DENND5A: variants seen among roughly 807,000 people sequenced by gnomAD.
DENND5A encodes DENN domain-containing protein 5A.
DENND5A carries 64 observed loss-of-function variants against 140.3 expected under a neutral mutation model. The observed-to-expected ratio is 0.46, with a 90% CI of 0.37 to 0.56. The LOEUF is 0.56. Among genes scored for constraint, DENND5A ranks in the 20% least tolerant of loss-of-function variants. The pLI, the probability that DENND5A is intolerant of heterozygous loss-of-function variation, is 0.00. For synonymous variants in DENND5A, 605 were observed against 607.7 expected (o/e 1.00, Z 0.07); for missense variants, 1,292 against 1,593.8 (o/e 0.81, Z 3.22).
intron 1 of DENND5A, among the ~76,000 whole-genome samples, chr11:9,262,866 T>C (rs991105497): frequency 1.5e-4 from 23 of 152,024 alleles, no homozygotes; most frequent in Non-Finnish European, 2.8e-4. Context: ...CTCAGCCTCC[T>C]GAGTAGCTGG....
intron 1 of DENND5A, among the ~76,000 whole-genome samples, chr11:9,255,997 G>C (rs1851929014): frequency 6.6e-6 from 1 of 150,748 alleles, no homozygotes; most frequent in Admixed American, 6.7e-5. Context: ...TTGCACCCCA[G>C]CGTGAGCAAC....
intron 5 of DENND5A, among the ~76,000 whole-genome samples, chr11:9,184,245 T>C (rs1333856478): frequency 2.0e-5 from 3 of 146,972 alleles, no homozygotes; most frequent in African/African-American, 7.6e-5. Context: ...CCCAGCTACT[T>C]GGAAGGCTGA....
chr11:9,193,477 A>C lies in DENND5A; in HGVS notation c.1137+17T>G. 6.4e-7 allele frequency: 1 copy of C among 1,569,034 alleles called. No individual in the cohort carries two copies. Among genetic ancestry groups the C allele is most frequent in the South Asian group, 1.2e-5 (1 of 83,658 alleles). ...ATCCTGGATTGGGGCCAGAGGCACC[A>C]ACACTCAAGATCTCACCTCTTGAGG... On this transcript the variant is annotated intron_variant, in intron 5 of 22. Transcript: ENST00000328194.
intron 1 of DENND5A, among the ~76,000 whole-genome samples, chr11:9,229,899 C>CTTTTTTTTTTT (rs71062816): frequency 4.6e-5 from 3 of 64,904 alleles, no homozygotes; most frequent in African/African-American, 6.3e-5. Flanking sequence ...GCTCCCATTT[C>CTTTTTTTTTTT]TTTTTTTTTT....
chr11:9,157,558 C>T (rs1310337552), intron 12 of DENND5A, among the ~76,000 whole-genome samples: 1 of 152,092 alleles, frequency 6.6e-6, no homozygotes. Flanking sequence ...TGTTTAGCTC[C>T]CACTTATAAG....
intron 5 of DENND5A, among the ~76,000 whole-genome samples, chr11:9,188,721 T>C (rs1375554535): frequency 1.3e-5 from 2 of 152,126 alleles, no homozygotes; most frequent in East Asian, 1.9e-4. Flanking sequence ...ACTTTGAACT[T>C]AAGAGAGATG....
intron 1 of DENND5A, 33 bp downstream of exon 1, chr11:9,264,928 C>A: frequency 6.6e-7 from 1 of 1,508,894 alleles, no homozygotes. Context: ...ACAGCGGGCG[C>A]GGGAAAGCGC....
chr11:9,163,962 G>A (rs920825115), intron 11 of DENND5A, among the ~76,000 whole-genome samples: 9 of 146,962 alleles, frequency 6.1e-5, no homozygotes, highest in Non-Finnish European at 1.2e-4. Context: ...ACTGACAGAA[G>A]TTTTACACAA....
At chr11:9,228,121 A>AAAC (rs1418955545) in intron 1 of DENND5A, among the ~76,000 whole-genome samples, 1 of 151,130 alleles carries the variant, frequency 6.6e-6, no homozygotes, top group African/African-American at 2.4e-5. Flanking sequence ...AAAAAAAAAA[A>AAAC]AAAAAAAAAA....
chr11:9,150,164 G>C lies in DENND5A; in HGVS notation c.2652C>G (p.Ala884=). 1 of 1,613,952 alleles carries C rather than the reference G, an allele frequency of 6.2e-7. No homozygotes were observed. The highest frequency in any genetic ancestry group is 8.5e-7 in the Non-Finnish European group (1 of 1,179,878). The part of the protein sequence containing the change: ...IGEIKTDVGK[A]RAWVRLSMEK... Reference sequence around the variant, plus strand: ...CCATGGACAGTCGCACCCATGCTCTGGCCTTTCCCACATCAGTCTTGATTT... The same window carrying C: ...CCATGGACAGTCGCACCCATGCTCTCGCCTTTCCCACATCAGTCTTGATTT... Residue 884 remains alanine (A), a synonymous_variant, in exon 15 of 23, where the codon GCC becomes GCG. Transcript: ENST00000328194.
At chr11:9,238,675 A>T (rs1388754115) in intron 1 of DENND5A, among the ~76,000 whole-genome samples, 1 of 152,036 alleles carries the variant, frequency 6.6e-6, no homozygotes, top group Non-Finnish European at 1.5e-5. Flanking sequence ...CGGCCTCCCA[A>T]AGTGCTGAGA....
chr11:9,232,450 T>A lies in DENND5A; in HGVS notation c.110-24818A>T, dbSNP rs764533247. The stretch of plus-strand genomic sequence containing the variant: ...CTGAATAGATACTTCAAAAAAGACA[T>A]ATAAATGCCTAATAAACTTTTGAGA... On this transcript the variant is annotated intron_variant, in intron 1 of 22. Coordinates refer to ENST00000328194, the MANE Select transcript of DENND5A (RefSeq NM_015213.4). Among the ~76,000 whole-genome samples the A allele has an allele frequency of 2.0e-5, 3 of 152,084 alleles. 1 individual carries two copies. Among genetic ancestry groups the A allele is most frequent in the African/African-American group, 7.2e-5 (3 of 41,424 alleles).
intron 8 of DENND5A, 24 bp downstream of exon 8, chr11:9,178,108 T>C: frequency 6.7e-7 from 1 of 1,486,326 alleles, no homozygotes; most frequent in Non-Finnish European, 9.4e-7. Flanking sequence ...GAGGCCTGAA[T>C]GTACATTTCC....
Position 9,264,945 on chromosome 11 carries a change from C to G in DENND5A, c.109+16G>C, listed in dbSNP as rs1244241017. 3.6e-5 allele frequency: 55 copies of G among 1,544,486 alleles called. No individual in the cohort carries two copies. The highest frequency in any genetic ancestry group is 4.7e-5 in the Non-Finnish European group (54 of 1,144,666). Reference sequence around the variant, plus strand: ...AGCGGGCGCGGGAAAGCGCCCCGGGCTCGGCGCGCACTCACCCGACAGCTC... The same window carrying G: ...AGCGGGCGCGGGAAAGCGCCCCGGGGTCGGCGCGCACTCACCCGACAGCTC... On this transcript the variant is annotated intron_variant, in intron 1 of 22. Transcript: ENST00000328194.
intron 5 of DENND5A, among the ~76,000 whole-genome samples, chr11:9,183,491 CAGT>C (rs1374268205): frequency 1.3e-5 from 2 of 150,256 alleles, no homozygotes; most frequent in Non-Finnish European, 2.9e-5. Flanking sequence ...GTCTGGAGTG[CAGT>C]GGCACAGTCA....
intron 1 of DENND5A, among the ~76,000 whole-genome samples, chr11:9,238,510 G>T (rs911636280): frequency 6.6e-6 from 1 of 151,076 alleles, no homozygotes; most frequent in Non-Finnish European, 1.5e-5. Context: ...TCTGCTTCCC[G>T]GGTTCACGCC....
chr11:9,141,830 T>C (rs1280304636), intron 22 of DENND5A, 110 bp downstream of exon 22: 30 of 1,041,204 alleles, frequency 2.9e-5, no homozygotes, highest in Non-Finnish European at 4.0e-5. Flanking sequence ...TAAGGCCTCA[T>C]CTCCCTAAGG....
At chr11:9,260,027 CAAAAAA>C (rs56390201) in intron 1 of DENND5A, among the ~76,000 whole-genome samples, 1 of 63,930 alleles carries the variant, frequency 1.6e-5, no homozygotes, top group East Asian at 5.3e-4. Context: ...GACTCCATCT[CAAAAAA>C]AAAAAAAAAA....
intron 1 of DENND5A, among the ~76,000 whole-genome samples, chr11:9,228,677 C>T (rs1850634150): frequency 6.6e-6 from 1 of 151,496 alleles, no homozygotes; most frequent in Admixed American, 6.6e-5. Context: ...CGAGATCGCA[C>T]CACTGCACTC....
Sources: allele counts gnomAD v4.1 joint callset (sites outside exome capture counted in the v4.1 genomes callset), GRCh38; gene constraint gnomAD v4.1.1; transcripts MANE v1.5; gene names NCBI Gene and HGNC (gene_info 2026-07-23, HGNC 2026-07-21).